MICU2: variants seen among roughly 807,000 people sequenced by gnomAD.
MICU2 encodes calcium uptake protein 2, mitochondrial.
In MICU2, 64 loss-of-function variants were observed where a neutral mutation model predicts 60.4. The ratio of observed to expected loss-of-function variants is 1.06; its 90% CI spans 0.87 to 1.31. The LOEUF (loss-of-function observed/expected upper bound fraction) is 1.31, where lower values mean the gene tolerates loss of function less well. Ranked by LOEUF, MICU2 falls within the 50% of genes most tolerant of loss-of-function variation. The pLI is 0.00. For missense variants in MICU2, 569 were observed against 531.0 expected (o/e 1.07, Z -0.70); for synonymous variants, 201 against 175.0 (o/e 1.15, Z -1.17).
intron 4 of MICU2, among the ~76,000 whole-genome samples, chr13:21,529,614 G>A (rs1886938772): frequency 6.6e-6 from 1 of 152,232 alleles, no homozygotes; most frequent in Non-Finnish European, 1.5e-5. Context: ...TGTGGTTTCA[G>A]AGAAATCAAG....
In MICU2 at chr13:21,558,108, C is replaced by T. The variant is rs186613150; in HGVS notation, c.358+8689G>A. Among the ~76,000 whole-genome samples, 3 of 152,268 alleles carry T rather than the reference C, an allele frequency of 2.0e-5. No homozygotes were observed. The East Asian group carries it at 5.8e-4, about 29-fold the overall frequency. On this transcript the variant is annotated intron_variant, in intron 2 of 11. Transcript: ENST00000382374. Reference sequence around the variant, plus strand: ...TGAGTACTATTAACAATTCCCTGCTCCCCCAGGGTTGTTACTGCTATCTGC... The same window carrying T: ...TGAGTACTATTAACAATTCCCTGCTTCCCCAGGGTTGTTACTGCTATCTGC...
chr13:21,527,771 G>A (rs1886892918), intron 4 of MICU2, among the ~76,000 whole-genome samples: 1 of 152,164 alleles, frequency 6.6e-6, no homozygotes. Flanking sequence ...TAGGAGAAAC[G>A]AGTAAGTTCT....
chr13:21,566,088 A>C lies in MICU2; in HGVS notation c.358+709T>G, dbSNP rs568707691. On this transcript the variant is annotated intron_variant, in intron 2 of 11. Transcript: ENST00000382374. The stretch of plus-strand genomic sequence containing the variant: ...ATGATCACTCATTTCGTTTTTGTTC[A>C]TCATCCCTCAATGTTTATAATGCTG... Among the ~76,000 whole-genome samples the C allele has an allele frequency of 2.0e-5, 3 of 152,108 alleles. No individual in the cohort carries two copies. In the East Asian group the frequency reaches 5.8e-4, roughly 29 times the overall value.
chr13:21,529,514 G>A (rs186751186), intron 4 of MICU2, among the ~76,000 whole-genome samples: 63 of 152,336 alleles, frequency 4.1e-4, no homozygotes, highest in African/African-American at 1.5e-3. Flanking sequence ...CTGAAGAAGA[G>A]TAGTAAGTGA....
chr13:21,549,596 T>C (rs571554093), intron 2 of MICU2, among the ~76,000 whole-genome samples: 1 of 150,270 alleles, frequency 6.7e-6, no homozygotes, highest in East Asian at 2.0e-4. Context: ...GGCTGTTCAT[T>C]TGTTTATTAT....
At chr13:21,538,641 T>TA (rs1887197994) in intron 4 of MICU2, among the ~76,000 whole-genome samples, 1 of 150,302 alleles carries the variant, frequency 6.7e-6, no homozygotes, top group South Asian at 2.1e-4. Flanking sequence ...ACTATATACA[T>TA]AGCATTTACA....
chr13:21,494,528 T>G (rs972633128), intron 11 of MICU2, among the ~76,000 whole-genome samples: 15 of 152,204 alleles, frequency 9.9e-5, no homozygotes, highest in Admixed American at 8.5e-4. Flanking sequence ...ATTCTAACAA[T>G]AATGCTTTCT....
At chr13:21,587,614 C>T (rs1200031) in intron 1 of MICU2, among the ~76,000 whole-genome samples, 152,362 of 152,380 alleles carry the variant, frequency 1, 76,172 homozygotes, top group Non-Finnish European at 1. Flanking sequence ...AGGAACAATA[C>T]GAATGGATTA....
intron 1 of MICU2, among the ~76,000 whole-genome samples, chr13:21,590,678 C>T (rs1351019328): frequency 6.6e-6 from 1 of 152,030 alleles, no homozygotes; most frequent in Non-Finnish European, 1.5e-5. Context: ...CATGGTGAAA[C>T]CCCCGTTTCT....
intron 2 of MICU2, among the ~76,000 whole-genome samples, chr13:21,559,699 A>G (rs1271731329): frequency 6.6e-6 from 1 of 151,754 alleles, no homozygotes; most frequent in Non-Finnish European, 1.5e-5. Context: ...TAATTTTTCT[A>G]TTTTTAGTAG....
chr13:21,577,453 T>C (rs943336956), intron 1 of MICU2, among the ~76,000 whole-genome samples: 3 of 151,874 alleles, frequency 2.0e-5, no homozygotes, highest in Admixed American at 6.6e-5. Context: ...CCAGGAGTTG[T>C]AGACCAGCCT....
intron 9 of MICU2, among the ~76,000 whole-genome samples, chr13:21,499,847 T>C (rs1045426227): frequency 6.6e-6 from 1 of 151,588 alleles, no homozygotes; most frequent in Non-Finnish European, 1.5e-5. Flanking sequence ...AACAACACAG[T>C]GAAACCCATC....
rs1243637309 is a variant in MICU2, at chr13:21,510,072, G to A, written c.693C>T (p.Asn231=). 3 of 1,514,386 alleles carry A rather than the reference G, an allele frequency of 2.0e-6. No individual in the cohort carries two copies. The highest frequency in any genetic ancestry group is 2.9e-5 in the African/African-American group (2 of 69,942). 93.8% of individuals were successfully genotyped at this position (1,514,386 alleles called of 1,614,324 possible). A position where few individuals can be genotyped will look rare whatever the true frequency, so the allele number is the denominator to read the frequency against. ...QEAIVKEPEI[N]TTLQMRFFGK... ...CAAAGAAACGCATCTGAAGAGTTGT[G>A]TTAATTTCAGGTTCTTTCACTATTG... Residue 231 remains asparagine, a synonymous_variant, in exon 8 of 12, where the codon AAC becomes AAT. Transcript: ENST00000382374.
At chr13:21,529,512 G>A (rs560692534) in intron 4 of MICU2, among the ~76,000 whole-genome samples, 2 of 152,350 alleles carry the variant, frequency 1.3e-5, no homozygotes, top group South Asian at 2.1e-4. Flanking sequence ...GGCTGAAGAA[G>A]AGTAGTAAGT....
At chr13:21,529,002 CAA>C (rs1886923700) in intron 4 of MICU2, among the ~76,000 whole-genome samples, 1 of 151,912 alleles carries the variant, frequency 6.6e-6, no homozygotes, top group African/African-American at 2.4e-5. Flanking sequence ...TGCAGAATGG[CAA>C]GAGAGGACAG....
At position 21,508,081 on chromosome 13, in the gene MICU2, T is replaced by C. The variant is rs534038316; in HGVS notation, c.761+1923A>G. On this transcript the variant is annotated intron_variant, in intron 8 of 11. Transcript: ENST00000382374. The stretch of plus-strand genomic sequence containing the variant: ...ATCTCCTGTGTCTGGAAATCTTTTC[T>C]ACTTCAAAATCCTTATTGCCACTAC... 3.9e-5 allele frequency among the ~76,000 whole-genome samples: 6 copies of C among 152,054 alleles called. No homozygotes were observed. The South Asian group carries it at 1.2e-3, about 32-fold the overall frequency.
At chr13:21,548,801 A>T (rs1197835730) in intron 2 of MICU2, among the ~76,000 whole-genome samples, 1 of 152,188 alleles carries the variant, frequency 6.6e-6, no homozygotes, top group East Asian at 1.9e-4. Flanking sequence ...AGCATACAGG[A>T]ATCTAAGAGA....
At chr13:21,548,584 T>C (rs1887468595) in intron 2 of MICU2, among the ~76,000 whole-genome samples, 1 of 152,230 alleles carries the variant, frequency 6.6e-6, no homozygotes, top group Non-Finnish European at 1.5e-5. Flanking sequence ...TTTATAGATC[T>C]GGAAACAGGC....
At chr13:21,516,410 T>C (rs1283056696) in intron 6 of MICU2, among the ~76,000 whole-genome samples, 1 of 152,208 alleles carries the variant, frequency 6.6e-6, no homozygotes, top group Non-Finnish European at 1.5e-5. Context: ...TCTGTTGCCA[T>C]TTATTGTTGT....
Sources: gnomAD v4.1 joint callset for allele counts (sites outside exome capture counted in the v4.1 genomes callset) on GRCh38, gnomAD v4.1.1 for gene constraint, MANE v1.5 for transcripts, NCBI Gene and HGNC (gene_info 2026-07-23, HGNC 2026-07-21) for gene names.